Variants in TP63 observed in about 807,000 individuals in gnomAD.
TP63 encodes tumor protein p63.
In TP63, 17 loss-of-function variants were observed where a neutral mutation model predicts 82.8. The ratio of observed to expected loss-of-function variants is 0.21; its 90% CI spans 0.14 to 0.31. TP63 has a LOEUF of 0.31. Among genes scored for constraint, TP63 ranks in the 10% least tolerant of loss-of-function variants. The probability of loss-of-function intolerance (pLI) is 1.00; values close to 1 mark genes in which losing one functional copy is unlikely to be tolerated. For missense variants in TP63, 648 were observed against 895.3 expected (o/e 0.72, Z 3.52); for synonymous variants, 330 against 321.7 (o/e 1.03, Z -0.28).
At chr3:189,629,302 T>G (rs796558674), upstream of TP63, among the ~76,000 whole-genome samples, 10 of 152,242 alleles carry the variant, frequency 6.6e-5, no homozygotes, top group African/African-American at 2.4e-4. Context: ...AAGGATCACT[T>G]GAGCCCAGGA....
intron 1 of TP63, among the ~76,000 whole-genome samples, chr3:189,690,456 T>C (rs1390919343): frequency 1.3e-5 from 2 of 152,228 alleles, no homozygotes; most frequent in Non-Finnish European, 2.9e-5. Context: ...ATTCCTTCTT[T>C]CTTTCTAGCT....
intron 1 of TP63, among the ~76,000 whole-genome samples, chr3:189,635,629 C>G (rs1406169514): frequency 6.6e-6 from 1 of 152,044 alleles, no homozygotes; most frequent in Non-Finnish European, 1.5e-5. Flanking sequence ...TGCTGCAGGT[C>G]CGAGTCCCCT....
chr3:189,773,451 G>A (rs1426446883), intron 3 of TP63, among the ~76,000 whole-genome samples: 2 of 152,194 alleles, frequency 1.3e-5, no homozygotes, highest in Non-Finnish European at 2.9e-5. Context: ...AGATCTCTCT[G>A]AGTATGCTTC....
At chr3:189,676,948 A>C (rs2108683508) in intron 1 of TP63, among the ~76,000 whole-genome samples, 1 of 152,108 alleles carries the variant, frequency 6.6e-6, no homozygotes, top group Admixed American at 6.6e-5. Context: ...CATTGTACAC[A>C]TTAAGCAATT....
intron 3 of TP63, among the ~76,000 whole-genome samples, chr3:189,785,797 T>C (rs1253963425): frequency 6.6e-6 from 1 of 152,002 alleles, no homozygotes; most frequent in Non-Finnish European, 1.5e-5. Context: ...ATGATCAGAG[T>C]TGCACTTTAG....
chr3:189,651,948 AG>A lies in TP63; in HGVS notation c.62+20374del, dbSNP rs1712929362. Among the ~76,000 whole-genome samples the A allele has an allele frequency of 1.4e-5, 2 of 147,090 alleles. 1 individual carries two copies. The highest frequency in any genetic ancestry group is 3.0e-5 in the Non-Finnish European group (2 of 67,304). ...TGTTGGTGCTCATAAGACAAGAATT[AG>A]GGTTTGGGAACCTCCACCTAGATTT... On this transcript the variant is annotated intron_variant, in intron 1 of 13. Coordinates refer to ENST00000264731, the MANE Select transcript of TP63 (RefSeq NM_003722.5).
intron 4 of TP63, among the ~76,000 whole-genome samples, chr3:189,814,428 A>T (rs1727938024): frequency 6.6e-6 from 1 of 152,200 alleles, no homozygotes; most frequent in Admixed American, 6.5e-5. Flanking sequence ...GGCAGAAGTC[A>T]GTAGCTCGTG....
intron 3 of TP63, among the ~76,000 whole-genome samples, chr3:189,747,235 T>C (rs765134555): frequency 6.6e-6 from 1 of 152,084 alleles, no homozygotes; most frequent in Non-Finnish European, 1.5e-5. Flanking sequence ...GAACTGCACA[T>C]TAGACCAAAT....
At chr3:189,819,768 T>TC (rs34604541) in intron 4 of TP63, among the ~76,000 whole-genome samples, 45,051 of 119,134 alleles carry the variant, frequency 0.38, 8,568 homozygotes, top group East Asian at 0.53. Context: ...TTTTTTTTTT[T>TC]TGAGACAGTC....
rs1220928949 is a variant in TP63 at position 189,689,098 on chromosome 3, CTTTTTCTTTTT to C, written c.63-48636_63-48626del. Among the ~76,000 whole-genome samples, 133 of 85,138 alleles carry C rather than the reference CTTTTTCTTTTT, an allele frequency of 1.6e-3. 7 individuals are homozygous for C. Among genetic ancestry groups the C allele is most frequent in the African/African-American group, 4.4e-3 (102 of 23,184 alleles). 55.9% of individuals were successfully genotyped at this position (85,138 alleles called of 152,430 possible). On this transcript the variant is annotated intron_variant, in intron 1 of 13. Transcript: ENST00000264731. ...CAGAGTGGCCAGCATTCAAATCTAC[CTTTTTCTTTTT>C]TTTTTTTTTTTTTTTTTTTTTTTTT... is the stretch of plus-strand genomic sequence containing the variant.
At chr3:189,602,512 G>C in the TP63 span, among the ~76,000 whole-genome samples, 2 of 152,306 alleles carry the variant, frequency 1.3e-5, no homozygotes, top group Admixed American at 6.5e-5. Context: ...TTTTACAGGT[G>C]GGATTTGTGA....
At chr3:189,768,240 G>A (rs1250432200) in intron 3 of TP63, among the ~76,000 whole-genome samples, 1 of 152,014 alleles carries the variant, frequency 6.6e-6, no homozygotes, top group Non-Finnish European at 1.5e-5. Context: ...TACCACAATA[G>A]CATTGGTTCA....
At chr3:189,669,265 C>T (rs1577207468) in intron 1 of TP63, among the ~76,000 whole-genome samples, 1 of 150,786 alleles carries the variant, frequency 6.6e-6, no homozygotes, top group African/African-American at 2.4e-5. Flanking sequence ...GATTCTATGT[C>T]TAGTAAAAAT....
At chr3:189,882,018 CAA>C (rs5855276) in intron 10 of TP63, among the ~76,000 whole-genome samples, 9 of 139,728 alleles carry the variant, frequency 6.4e-5, no homozygotes, top group African/African-American at 2.1e-4. Flanking sequence ...AAGTTCTAAC[CAA>C]AAAAAAAAAA....
At position 189,638,923 on chromosome 3, in the gene TP63, C is replaced by G. The variant is rs562532347; in HGVS notation, c.62+7346C>G. Among the ~76,000 whole-genome samples, 65 of 152,160 alleles carry G rather than the reference C, an allele frequency of 4.3e-4. 1 individual carries two copies. Among genetic ancestry groups the G allele is most frequent in the African/African-American group, 1.6e-3 (65 of 41,502 alleles). On this transcript the variant is annotated intron_variant, in intron 1 of 13. Coordinates refer to ENST00000264731, the MANE Select transcript of TP63 (RefSeq NM_003722.5). ...GTGAGGCAAGCTTAGACCCAATGCCCCAATACATGCTCATAAAAAGGTAAC... is the reference window on the plus strand; with the variant it reads ...GTGAGGCAAGCTTAGACCCAATGCCGCAATACATGCTCATAAAAAGGTAAC...
chr3:189,654,136 G>T (rs1433318715), intron 1 of TP63, among the ~76,000 whole-genome samples: 1 of 151,982 alleles, frequency 6.6e-6, no homozygotes, highest in Admixed American at 6.6e-5. Flanking sequence ...GAGAAAACAT[G>T]TATCTCATTT....
intron 4 of TP63, among the ~76,000 whole-genome samples, chr3:189,826,099 A>C (rs1333615617): frequency 6.6e-6 from 1 of 152,230 alleles, no homozygotes; most frequent in East Asian, 1.9e-4. Context: ...GGTTCTTTTT[A>C]GCTAAATGAA....
intron 3 of TP63, among the ~76,000 whole-genome samples, chr3:189,746,440 A>G (rs1186959041): frequency 3.9e-5 from 6 of 152,068 alleles, no homozygotes; most frequent in Non-Finnish European, 7.4e-5. Flanking sequence ...AAGCAAAGGA[A>G]GGATATTTAC....
chr3:189,879,972 A>AAG (rs139117084), intron 10 of TP63: 2 of 1,500,290 alleles, frequency 1.3e-6, no homozygotes, highest in African/African-American at 2.8e-5. Context: ...TATGATCATG[A>AAG]AGGTATAAGG....
Sources: allele counts gnomAD v4.1 joint callset (sites outside exome capture counted in the v4.1 genomes callset), GRCh38; gene constraint gnomAD v4.1.1; transcripts MANE v1.5; gene names NCBI Gene and HGNC (gene_info 2026-07-23, HGNC 2026-07-21).